The following ADCY8 variants were observed in gnomAD, a reference collection of about 807,000 sequenced individuals.
ADCY8 encodes adenylate cyclase 8, also known as adenylate cyclase type 8.
A neutral mutation model predicts 119.7 loss-of-function variants in ADCY8; 51 were observed. The observed-to-expected ratio is 0.43, with a 90% confidence interval of 0.34 to 0.54. The LOEUF (loss-of-function observed/expected upper bound fraction) is 0.54. Among genes scored for constraint, ADCY8 ranks in the 20% least tolerant of loss-of-function variants. The probability of loss-of-function intolerance (pLI) is 0.03; values close to 1 mark genes in which losing one functional copy is unlikely to be tolerated. For missense variants in ADCY8, 1,383 were observed against 1,598.8 expected, an observed-to-expected ratio of 0.87 and a Z score of 2.30; for synonymous variants, 665 against 651.0, an observed-to-expected ratio of 1.02 and a Z score of -0.33.
At chr8:130,992,005 A>C (rs1372243869) in intron 1 of ADCY8, among the ~76,000 whole-genome samples, 1 of 151,624 alleles carries the variant, frequency 6.6e-6, no homozygotes, top group African/African-American at 2.4e-5. Context: ...AAATTTGGAA[A>C]TAGGCCAATA....
chr8:130,842,181 T>C (rs1817166956), intron 11 of ADCY8, among the ~76,000 whole-genome samples: 1 of 152,230 alleles, frequency 6.6e-6, no homozygotes, highest in Non-Finnish European at 1.5e-5. Context: ...TCTTTTACTA[T>C]GCAATATGTT....
At chr8:130,845,493 G>T (rs1817267542) in intron 11 of ADCY8, among the ~76,000 whole-genome samples, 2 of 152,146 alleles carry the variant, frequency 1.3e-5, no homozygotes, top group South Asian at 2.1e-4. Flanking sequence ...CAAGTGAGGG[G>T]GCTTGATTGG....
intron 4 of ADCY8, 84 bp downstream of exon 4, chr8:130,943,267 G>A: frequency 1.0e-6 from 1 of 980,458 alleles, no homozygotes; most frequent in South Asian, 1.5e-5. Flanking sequence ...CATTGGGGAA[G>A]AAGGCTGAAT....
At chr8:130,998,091 C>A (rs1822835591) in intron 1 of ADCY8, among the ~76,000 whole-genome samples, 3 of 152,070 alleles carry the variant, frequency 2.0e-5, no homozygotes, top group African/African-American at 7.2e-5. Flanking sequence ...GTGTACAAAG[C>A]AGATAATGTC....
chr8:130,976,550 G>A lies in ADCY8; in HGVS notation c.1110+13843C>T, dbSNP rs201473275. ...CCATCATCTACATAGCGAATTCTTA[G>A]TTTCTAATTCAATTTTTATAATTCT... On this transcript the variant is annotated intron_variant, in intron 2 of 17. Coordinates refer to ENST00000286355, the MANE Select transcript of ADCY8 (RefSeq NM_001115.3). Among the ~76,000 whole-genome samples, 6 of 152,022 alleles carry A rather than the reference G, an allele frequency of 3.9e-5. No homozygotes were observed. The East Asian group carries it at 1.2e-3, about 29-fold the overall frequency.
intron 1 of ADCY8, among the ~76,000 whole-genome samples, chr8:130,993,675 T>C (rs1237986856): frequency 6.6e-6 from 1 of 152,174 alleles, no homozygotes; most frequent in East Asian, 1.9e-4. Context: ...TTTCATTCTG[T>C]CTTGCCTGCC....
At chr8:130,813,976 A>T (rs920140770) in intron 14 of ADCY8, 93 bp downstream of exon 14, 2 of 1,475,624 alleles carry the variant, frequency 1.4e-6, no homozygotes, top group Non-Finnish European at 1.9e-6. Context: ...ACATGATGAC[A>T]GTGAAATTCT....
intron 1 of ADCY8, among the ~76,000 whole-genome samples, chr8:131,024,539 A>G (rs1470681617): frequency 6.6e-6 from 1 of 152,214 alleles, no homozygotes; most frequent in African/African-American, 2.4e-5. Flanking sequence ...GTCCAATTCA[A>G]TCATGGCTCG....
intron 15 of ADCY8, among the ~76,000 whole-genome samples, chr8:130,798,309 G>T (rs1192134045): frequency 6.6e-6 from 1 of 152,096 alleles, no homozygotes; most frequent in Admixed American, 6.5e-5. Context: ...TAGAGATGGG[G>T]GTTAGAAAAA....
At chr8:130,981,832 C>T (rs956557616) in intron 2 of ADCY8, among the ~76,000 whole-genome samples, 5 of 152,168 alleles carry the variant, frequency 3.3e-5, no homozygotes, top group Admixed American at 6.5e-5. Flanking sequence ...TCCAACAGTT[C>T]AAGGATCAGC....
At chr8:130,788,665 G>A (rs549035635) in intron 15 of ADCY8, among the ~76,000 whole-genome samples, 9 of 152,114 alleles carry the variant, frequency 5.9e-5, no homozygotes, top group African/African-American at 2.2e-4. Context: ...ATAAATATTC[G>A]AGGTAATGAA....
chr8:130,857,162 A>G (rs1817767550), intron 9 of ADCY8, among the ~76,000 whole-genome samples: 1 of 151,748 alleles, frequency 6.6e-6, no homozygotes, highest in Admixed American at 6.6e-5. Flanking sequence ...TAATGGGTGC[A>G]GCACACCAGC....
intron 11 of ADCY8, among the ~76,000 whole-genome samples, chr8:130,837,697 C>CT (rs1817031799): frequency 6.6e-6 from 1 of 152,182 alleles, no homozygotes; most frequent in African/African-American, 2.4e-5. Context: ...GGTTCAGACT[C>CT]TGACTATCAG....
intron 5 of ADCY8, among the ~76,000 whole-genome samples, chr8:130,933,068 CCTA>C (rs1820681555): frequency 6.6e-6 from 1 of 152,092 alleles, no homozygotes; most frequent in Non-Finnish European, 1.5e-5. Context: ...TTGATGGTAT[CCTA>C]ACTTTGAGAA....
chr8:130,904,780 T>C (rs1380400918), intron 6 of ADCY8, among the ~76,000 whole-genome samples: 1 of 152,182 alleles, frequency 6.6e-6, no homozygotes, highest in Non-Finnish European at 1.5e-5. Flanking sequence ...CAAAATAACA[T>C]ATGACATCAG....
At chr8:130,878,535 C>T (rs866364359) in intron 8 of ADCY8, among the ~76,000 whole-genome samples, 13 of 152,034 alleles carry the variant, frequency 8.6e-5, no homozygotes, top group East Asian at 5.8e-4. Context: ...GTGACCAGCC[C>T]GAGTCTCATG....
chr8:130,918,672 T>A (rs1434286554), intron 5 of ADCY8, among the ~76,000 whole-genome samples: 2 of 152,232 alleles, frequency 1.3e-5, no homozygotes, highest in Non-Finnish European at 2.9e-5. Context: ...TTCAACATTA[T>A]TTTAGAGAGT....
intron 11 of ADCY8, among the ~76,000 whole-genome samples, chr8:130,842,637 C>T (rs1271273977): frequency 6.6e-6 from 1 of 151,900 alleles, no homozygotes; most frequent in Non-Finnish European, 1.5e-5. Context: ...CTTTGGGAGG[C>T]CCAGGCAGGT....
At chr8:130,828,455 G>T (rs2130232394) in intron 12 of ADCY8, among the ~76,000 whole-genome samples, 1 of 151,910 alleles carries the variant, frequency 6.6e-6, no homozygotes, top group East Asian at 1.9e-4. Flanking sequence ...CTCTGCCCTT[G>T]GCCTGGAGAC....
Sources: allele counts gnomAD v4.1 joint callset (sites outside exome capture counted in the v4.1 genomes callset), GRCh38; gene constraint gnomAD v4.1.1; transcripts MANE v1.5; gene names NCBI Gene and HGNC (gene_info 2026-07-23, HGNC 2026-07-21).